CFAP77: variants seen among roughly 807,000 people sequenced by gnomAD.
CFAP77 encodes cilia and flagella associated protein 77.
In CFAP77, 25 loss-of-function variants were observed where a neutral mutation model predicts 31.1. The observed-to-expected ratio is 0.80, with a 90% CI of 0.59 to 1.12. The LOEUF (loss-of-function observed/expected upper bound fraction) is 1.12. CFAP77 is among the 50% of genes most tolerant of loss of function. CFAP77 has a pLI of 0.00. For synonymous variants in CFAP77, 151 were observed against 159.9 expected, an observed-to-expected ratio of 0.94 and a Z score of 0.42; for missense variants, 377 against 397.3, an observed-to-expected ratio of 0.95 and a Z score of 0.44.
intron 3 of CFAP77, among the ~76,000 whole-genome samples, chr9:132,503,857 T>C (rs1051686251): frequency 1.3e-5 from 2 of 152,234 alleles, no homozygotes; most frequent in South Asian, 4.2e-4. Flanking sequence ...GAGACCAGCC[T>C]GGCCAATATG....
chr9:132,482,171 C>T, intron 1 of CFAP77: 1 of 576,366 alleles, frequency 1.7e-6, no homozygotes, highest in Non-Finnish European at 3.0e-6. Context: ...TTTTCCTTTT[C>T]TCTCTTTCTT....
chr9:132,499,283 C>A lies in CFAP77; in HGVS notation c.296-89C>A. The A allele has an allele frequency of 8.6e-7, 1 of 1,168,356 alleles. No individual in the cohort carries two copies. Among genetic ancestry groups the A allele is most frequent in the Non-Finnish European group, 1.2e-6 (1 of 809,008 alleles). 72.4% of individuals were successfully genotyped at this position (1,168,356 alleles called of 1,614,324 possible). The stretch of plus-strand genomic sequence containing the variant: ...TCAGGTAAATGGGAAGGCCGAGGAC[C>A]CGCGTGCCCCCATTTCTTCTCGATC... On this transcript the variant is annotated intron_variant, in intron 2 of 5. Transcript: ENST00000393216. The surrounding 1 kb of genome is among the most constrained non-coding windows in gnomAD (Gnocchi z 5.4).
chr9:132,522,405 T>A (rs973369439), intron 3 of CFAP77, among the ~76,000 whole-genome samples: 1 of 152,160 alleles, frequency 6.6e-6, no homozygotes, highest in Non-Finnish European at 1.5e-5. Flanking sequence ...CATTCCTACC[T>A]TTTCCATGCT....
intron 1 of CFAP77, among the ~76,000 whole-genome samples, chr9:132,440,682 C>A (rs945702709): frequency 7.2e-5 from 11 of 152,152 alleles, no homozygotes; most frequent in African/African-American, 2.7e-4. Flanking sequence ...TGAGGGTTTA[C>A]AAAGTACCCT....
chr9:132,548,681 G>A (rs1024091274), intron 5 of CFAP77, among the ~76,000 whole-genome samples: 3 of 151,956 alleles, frequency 2.0e-5, no homozygotes, highest in Non-Finnish European at 1.5e-5. Context: ...TTGGCTGGCG[G>A]GGGGGTCTCC....
In CFAP77 at chr9:132,455,462, C is replaced by T. The variant is rs1001455844; in HGVS notation, c.196-43233C>T. 6.6e-6 allele frequency among the ~76,000 whole-genome samples: 1 copy of T among 150,632 alleles called. No homozygotes were observed. The highest frequency in any genetic ancestry group is 1.5e-5 in the Non-Finnish European group (1 of 67,800). On this transcript the variant is annotated intron_variant, in intron 1 of 5. Coordinates refer to ENST00000393216, the MANE Select transcript of CFAP77 (RefSeq NM_001282957.2). This position sits in a 1 kb window ranked among gnomAD's most constrained non-coding sequence, Gnocchi z 4.1. Reference sequence around the variant, plus strand: ...GGTGGAGGTTGCGGTGAGCTGAGATCGTGCCACTGTACTCTAGCCTGGGTG... The same window carrying T: ...GGTGGAGGTTGCGGTGAGCTGAGATTGTGCCACTGTACTCTAGCCTGGGTG...
chr9:132,549,110 A>C (rs1288152827), intron 5 of CFAP77, among the ~76,000 whole-genome samples: 3 of 152,144 alleles, frequency 2.0e-5, no homozygotes, highest in Non-Finnish European at 4.4e-5. Flanking sequence ...CCCACCTTTA[A>C]GCTCTCTTAC....
chr9:132,542,619 C>T (rs886476088), intron 4 of CFAP77, among the ~76,000 whole-genome samples: 10 of 152,216 alleles, frequency 6.6e-5, no homozygotes, highest in Non-Finnish European at 1.2e-4. Context: ...GCGTGAGCCA[C>T]GGAGGACAAG....
At position 132,481,519 on chromosome 9, in the gene CFAP77, G is replaced by A. The variant is rs1224920212; in HGVS notation, c.196-17176G>A. On this transcript the variant is annotated intron_variant, in intron 1 of 5. Coordinates refer to ENST00000393216, the MANE Select transcript of CFAP77 (RefSeq NM_001282957.2). The surrounding 1 kb of genome is among the most constrained non-coding windows in gnomAD (Gnocchi z 5.0). Reference sequence around the variant, plus strand: ...CGAGCACAGTGGCTTGCACCCCGTCGGTGGCTGCTGCCCCGCTCCTGCTAG... The same window carrying A: ...CGAGCACAGTGGCTTGCACCCCGTCAGTGGCTGCTGCCCCGCTCCTGCTAG... Among the ~76,000 whole-genome samples the A allele has an allele frequency of 1.3e-5, 2 of 152,156 alleles. No individual in the cohort carries two copies. The highest frequency in any genetic ancestry group is 4.8e-5 in the African/African-American group (2 of 41,434).
At chr9:132,439,721 C>T (rs142198829) in intron 1 of CFAP77, among the ~76,000 whole-genome samples, 2,467 of 151,912 alleles carry the variant, frequency 0.016, 76 homozygotes, top group African/African-American at 0.056. Flanking sequence ...TGGTGGCGGG[C>T]GCCTGTAGTC....
chr9:132,501,705 A>T lies in CFAP77; in HGVS notation c.524+2105A>T, dbSNP rs549414054. Reference sequence around the variant, plus strand: ...GGTGTGAGCCACTGCGCCCGGTTACATGACTATCTTCTACTCAGCCACTGT... The same window carrying T: ...GGTGTGAGCCACTGCGCCCGGTTACTTGACTATCTTCTACTCAGCCACTGT... On this transcript the variant is annotated intron_variant, in intron 3 of 5. Transcript: ENST00000393216. The surrounding 1 kb of genome is among the most constrained non-coding windows in gnomAD (Gnocchi z 4.6). Among the ~76,000 whole-genome samples, 1 of 152,162 alleles carries T rather than the reference A, an allele frequency of 6.6e-6. No individual in the cohort carries two copies. Among genetic ancestry groups the T allele is most frequent in the African/African-American group, 2.4e-5 (1 of 41,444 alleles).
chr9:132,443,857 G>T (rs1363330468), intron 1 of CFAP77, among the ~76,000 whole-genome samples: 1 of 152,196 alleles, frequency 6.6e-6, no homozygotes, highest in Non-Finnish European at 1.5e-5. Flanking sequence ...AAAATCACTT[G>T]TTTGGGTCTG....
intron 5 of CFAP77, among the ~76,000 whole-genome samples, chr9:132,553,202 C>T (rs896350056): frequency 6.6e-6 from 1 of 152,296 alleles, no homozygotes; most frequent in East Asian, 1.9e-4. Flanking sequence ...TATAAGGACG[C>T]TAATCCTATC....
intron 1 of CFAP77, among the ~76,000 whole-genome samples, chr9:132,487,546 T>C (rs1373136475): frequency 3.3e-5 from 5 of 151,938 alleles, no homozygotes; most frequent in Non-Finnish European, 5.9e-5. Flanking sequence ...CACATCACAG[T>C]TATGGGGCTG....
In CFAP77 at chr9:132,498,848, C is replaced by T; in HGVS notation, c.295+54C>T. On this transcript the variant is annotated intron_variant, in intron 2 of 5. Transcript: ENST00000393216. The surrounding 1 kb of genome is among the most constrained non-coding windows in gnomAD (Gnocchi z 4.2). ...CAGAGGAGTGGGAGGGAGGCTCACCCCTCTTCACAGACCCCTTGACCTAGC... is the reference window on the plus strand; with the variant it reads ...CAGAGGAGTGGGAGGGAGGCTCACCTCTCTTCACAGACCCCTTGACCTAGC... 1 of 1,312,950 alleles carries T rather than the reference C, an allele frequency of 7.6e-7. No individual in the cohort carries two copies. The highest frequency in any genetic ancestry group is 1.4e-5 in the African/African-American group (1 of 69,282). The allele number at this position is 1,312,950 out of a possible 1,614,324, so 81.3% of individuals were successfully genotyped here.
At chr9:132,456,383 G>A (rs1370015332) in intron 1 of CFAP77, among the ~76,000 whole-genome samples, 1 of 152,146 alleles carries the variant, frequency 6.6e-6, no homozygotes, top group Non-Finnish European at 1.5e-5. Context: ...TTCAGCCAGC[G>A]CTTGACTCAT....
intron 3 of CFAP77, among the ~76,000 whole-genome samples, chr9:132,521,710 CA>C (rs1377183529): frequency 9.4e-5 from 14 of 148,400 alleles, no homozygotes; most frequent in African/African-American, 3.5e-4. Context: ...CATGCACTCC[CA>C]GGGGCAATGG....
intron 1 of CFAP77, among the ~76,000 whole-genome samples, chr9:132,434,236 G>A (rs771718175): frequency 1.2e-4 from 18 of 152,258 alleles, no homozygotes; most frequent in Non-Finnish European, 2.1e-4. Flanking sequence ...CCCGCTCTGA[G>A]GTGTTTTATG....
chr9:132,471,369 G>A (rs1384602430), intron 1 of CFAP77, among the ~76,000 whole-genome samples: 1 of 151,980 alleles, frequency 6.6e-6, no homozygotes, highest in Admixed American at 6.6e-5. Context: ...AGTCATCTTG[G>A]GGCACCCTGC....
Sources: gnomAD v4.1 joint callset for allele counts (sites outside exome capture counted in the v4.1 genomes callset) on GRCh38, gnomAD v4.1.1 for gene constraint, Gnocchi (gnomAD v3.1) non-coding constraint, MANE v1.5 for transcripts, NCBI Gene and HGNC (gene_info 2026-07-23, HGNC 2026-07-21) for gene names.